Variants in VTI1A observed in about 807,000 individuals in gnomAD.
VTI1A encodes vesicle transport through interaction with t-SNAREs homolog 1A.
In VTI1A, 22 loss-of-function variants were observed where a neutral mutation model predicts 34.9. The ratio of observed to expected loss-of-function variants is 0.63; its 90% CI spans 0.45 to 0.90. The LOEUF is 0.90. Ranked by LOEUF, VTI1A falls within the 40% of genes least tolerant of loss-of-function variation. The pLI is 0.00. For synonymous variants in VTI1A, 87 were observed against 97.3 expected (o/e 0.89, Z 0.62); for missense variants, 268 against 275.6 (o/e 0.97, Z 0.20).
chr10:112,630,906 G>A (rs916691964), intron 5 of VTI1A, among the ~76,000 whole-genome samples: 3 of 152,168 alleles, frequency 2.0e-5, no homozygotes, highest in African/African-American at 7.2e-5. Context: ...CGGATCACCT[G>A]AGGTCAGGAG....
At chr10:112,673,466 G>GCACACACA (rs201379785) in intron 7 of VTI1A, among the ~76,000 whole-genome samples, 1 of 33,964 alleles carries the variant, frequency 2.9e-5, no homozygotes, top group Non-Finnish European at 5.6e-5. Context: ...GCGCGTGCGC[G>GCACACACA]CGCACACACA....
chr10:112,712,999 C>A (rs1849480286), intron 7 of VTI1A, among the ~76,000 whole-genome samples: 1 of 152,172 alleles, frequency 6.6e-6, no homozygotes, highest in South Asian at 2.1e-4. Context: ...TCTCTCCATT[C>A]CTGTTGGATC....
intron 7 of VTI1A, among the ~76,000 whole-genome samples, chr10:112,712,212 G>T (rs528990864): frequency 6.6e-6 from 1 of 152,112 alleles, no homozygotes; most frequent in Non-Finnish European, 1.5e-5. Context: ...AAAGTTGTAG[G>T]TGTCACACTC....
intron 5 of VTI1A, among the ~76,000 whole-genome samples, chr10:112,654,111 T>C (rs1847138556): frequency 1.3e-5 from 2 of 152,196 alleles, no homozygotes; most frequent in South Asian, 4.1e-4. Flanking sequence ...TAATAAACTT[T>C]TTTGTTGTTA....
intron 7 of VTI1A, among the ~76,000 whole-genome samples, chr10:112,707,156 G>A (rs1179394938): frequency 6.6e-6 from 1 of 152,064 alleles, no homozygotes; most frequent in South Asian, 2.1e-4. Flanking sequence ...GTGGCGCGGG[G>A]AGGGGTTGTA....
intron 7 of VTI1A, among the ~76,000 whole-genome samples, chr10:112,716,104 T>C (rs892424370): frequency 6.6e-6 from 1 of 152,028 alleles, no homozygotes; most frequent in African/African-American, 2.4e-5. Context: ...AAGGGATGGA[T>C]CTGAGGAAGA....
At chr10:112,619,577 A>G (rs918429235) in intron 5 of VTI1A, among the ~76,000 whole-genome samples, 2 of 152,198 alleles carry the variant, frequency 1.3e-5, no homozygotes, top group South Asian at 2.1e-4. Context: ...CAAAATATGT[A>G]GACTATGTTT....
intron 3 of VTI1A, among the ~76,000 whole-genome samples, chr10:112,516,004 C>A (rs1008057164): frequency 2.0e-5 from 3 of 151,878 alleles, no homozygotes; most frequent in African/African-American, 4.8e-5. Flanking sequence ...TGGCATGTTC[C>A]CCAATACAAA....
At chr10:112,560,573 A>G (rs1056673309) in intron 5 of VTI1A, among the ~76,000 whole-genome samples, 6 of 143,882 alleles carry the variant, frequency 4.2e-5, no homozygotes, top group Admixed American at 7.0e-5. Context: ...GGGCAGCTAT[A>G]TTCCTTTACT....
At chr10:112,629,099 T>A (rs181874316) in intron 5 of VTI1A, among the ~76,000 whole-genome samples, 2 of 152,324 alleles carry the variant, frequency 1.3e-5, no homozygotes, top group East Asian at 3.9e-4. Context: ...GCCTTGCAGG[T>A]TGTTTGCCAA....
intron 5 of VTI1A, among the ~76,000 whole-genome samples, chr10:112,576,860 C>CCA (rs1800001441): frequency 6.6e-6 from 1 of 151,904 alleles, no homozygotes; most frequent in Non-Finnish European, 1.5e-5. Flanking sequence ...TTACACACAC[C>CCA]CACACACACA....
chr10:112,662,812 A>G (rs749282320), intron 5 of VTI1A, among the ~76,000 whole-genome samples: 1 of 152,174 alleles, frequency 6.6e-6, no homozygotes, highest in Non-Finnish European at 1.5e-5. Flanking sequence ...TATTTAGATA[A>G]TAGAAGGAGC....
intron 7 of VTI1A, among the ~76,000 whole-genome samples, chr10:112,775,266 A>T (rs989154627): frequency 2.0e-5 from 3 of 152,252 alleles, no homozygotes; most frequent in African/African-American, 4.8e-5. Context: ...CCACTGCAGT[A>T]GCAAATAGGT....
At chr10:112,783,401 G>GCACACACACACACACA (rs58560251) in intron 7 of VTI1A, among the ~76,000 whole-genome samples, 7 of 150,310 alleles carry the variant, frequency 4.7e-5, no homozygotes, top group African/African-American at 1.5e-4. Context: ...GCGTGCACGT[G>GCACACACACACACACA]CACACACACA....
chr10:112,567,779 A>G (rs1246582733), intron 5 of VTI1A, among the ~76,000 whole-genome samples: 4 of 152,170 alleles, frequency 2.6e-5, no homozygotes. Flanking sequence ...GAGAGTCACC[A>G]CTGATTTATA....
chr10:112,574,498 G>A (rs1852258891), intron 5 of VTI1A, among the ~76,000 whole-genome samples: 1 of 152,218 alleles, frequency 6.6e-6, no homozygotes, highest in Non-Finnish European at 1.5e-5. Context: ...CAGAGGCTGG[G>A]TTTGGGAATC....
chr10:112,639,706 A>T (rs1256737565), intron 5 of VTI1A, among the ~76,000 whole-genome samples: 1 of 152,242 alleles, frequency 6.6e-6, no homozygotes. Flanking sequence ...TACATTGAAA[A>T]GGTATATACA....
At chr10:112,558,614 T>C (rs796931193) in intron 5 of VTI1A, among the ~76,000 whole-genome samples, 1 of 152,338 alleles carries the variant, frequency 6.6e-6, no homozygotes, top group African/African-American at 2.4e-5. Context: ...ACCTGGCCTG[T>C]GCAGCTTTGG....
At chr10:112,850,296 G>C in the VTI1A span, among the ~76,000 whole-genome samples, 4 of 151,308 alleles carry the variant, frequency 2.6e-5, no homozygotes, top group African/African-American at 9.7e-5. Context: ...CAAAAAGCCT[G>C]GTGTGATGTG....
Sources: gnomAD v4.1 joint callset for allele counts (sites outside exome capture counted in the v4.1 genomes callset) on GRCh38, gnomAD v4.1.1 for gene constraint, MANE v1.5 for transcripts, NCBI Gene and HGNC (gene_info 2026-07-23, HGNC 2026-07-21) for gene names.